PIH1D2: variants seen among roughly 807,000 people sequenced by gnomAD.
PIH1D2 encodes the protein PIH1 domain containing 2.
In PIH1D2, 25 loss-of-function variants were observed where a neutral mutation model predicts 31.2. The observed-to-expected ratio is 0.80, with a 90% CI of 0.58 to 1.12. The LOEUF (loss-of-function observed/expected upper bound fraction) is 1.12. PIH1D2 is among the 50% of genes most tolerant of loss of function. The probability of loss-of-function intolerance (pLI) is 0.00; values close to 1 mark genes in which losing one functional copy is unlikely to be tolerated. For missense variants in PIH1D2, 310 were observed against 356.6 expected (o/e 0.87, Z 1.05); for synonymous variants, 116 against 119.9 (o/e 0.97, Z 0.21).
intron 1 of PIH1D2, 92 bp from the exon 2 acceptor site, chr11:112,073,297 T>C (rs1244217213): frequency 3.4e-6 from 3 of 891,910 alleles, no homozygotes; most frequent in Admixed American, 2.9e-5. Context: ...AGGAATTGTT[T>C]TGGTGAAGTT....
intron 2 of PIH1D2, among the ~76,000 whole-genome samples, chr11:112,072,353 C>T (rs1160602299): frequency 6.6e-6 from 1 of 151,478 alleles, no homozygotes; most frequent in African/African-American, 2.4e-5. Flanking sequence ...CGAGATTAGC[C>T]TGTGAAACAT....
chr11:112,070,708 G>A lies in PIH1D2; in HGVS notation c.548-7C>T. Reference sequence around the variant, plus strand: ...ATCTGTCCAAGAGTTAGTTCTTTATGAAAAAAAGGGTGGAGGGGAGATAAA... The same window carrying A: ...ATCTGTCCAAGAGTTAGTTCTTTATAAAAAAAAGGGTGGAGGGGAGATAAA... On this transcript the variant is annotated splice_region_variant and splice_polypyrimidine_tract_variant and intron_variant, in intron 4 of 5. Coordinates refer to ENST00000280350, the MANE Select transcript of PIH1D2 (RefSeq NM_138789.4). The A allele has an allele frequency of 1.9e-6, 3 of 1,592,780 alleles. No homozygotes were observed. Among genetic ancestry groups the A allele is most frequent in the Non-Finnish European group, 2.6e-6 (3 of 1,171,528 alleles).
chr11:112,067,685 A>AAAAAAAAAAAAAATAGAT, downstream of PIH1D2: 1 of 17,806 alleles, frequency 5.6e-5, no homozygotes, highest in African/African-American at 1.7e-4. Flanking sequence ...AAAAAAAAAA[A>AAAAAAAAAAAAAATAGAT]ATATATATAT....
chr11:112,061,068 A>G, downstream of PIH1D2: 1 of 1,610,716 alleles, frequency 6.2e-7, no homozygotes, highest in Non-Finnish European at 8.5e-7. Flanking sequence ...CAATTTAGGA[A>G]TGTTTGGAAT....
At chr11:112,061,456 G>A, downstream of PIH1D2, 1 of 372,204 alleles carries the variant, frequency 2.7e-6, no homozygotes, top group Non-Finnish European at 4.9e-6. Context: ...TGTGCTTACT[G>A]GAAATTTGTG....
downstream of PIH1D2, among the ~76,000 whole-genome samples, chr11:112,058,922 C>A (rs1486899500): frequency 6.6e-6 from 1 of 152,006 alleles, no homozygotes; most frequent in Non-Finnish European, 1.5e-5. Flanking sequence ...AGTATAGTTT[C>A]TCTCTTTTTT....
downstream of PIH1D2, among the ~76,000 whole-genome samples, chr11:112,064,780 AATC>A (rs1359583160): frequency 2.6e-5 from 4 of 152,278 alleles, no homozygotes; most frequent in African/African-American, 4.8e-5. Context: ...TACATGGGGA[AATC>A]ATCATCACTA....
At chr11:112,062,464 G>A, downstream of PIH1D2, 1 of 1,612,732 alleles carries the variant, frequency 6.2e-7, no homozygotes, top group Non-Finnish European at 8.5e-7. Context: ...GGTGGTGGAT[G>A]GAGCAGTTGG....
downstream of PIH1D2, among the ~76,000 whole-genome samples, chr11:112,066,464 C>G (rs1284194585): frequency 6.6e-6 from 1 of 151,726 alleles, no homozygotes; most frequent in Non-Finnish European, 1.5e-5. Flanking sequence ...ATGGAGAAAC[C>G]CTGTCTTTAC....
chr11:112,068,993 T>G (rs587710687), intron 5 of PIH1D2, among the ~76,000 whole-genome samples: 105 of 147,022 alleles, frequency 7.1e-4, no homozygotes, highest in South Asian at 5.6e-3. Context: ...TTTTTTTTTT[T>G]TTTTGTTTTT....
chr11:112,065,466 TG>T (rs1864887177), downstream of PIH1D2, among the ~76,000 whole-genome samples: 1 of 152,206 alleles, frequency 6.6e-6, no homozygotes, highest in African/African-American at 2.4e-5. Context: ...AAATACATTT[TG>T]GTAGTGATTT....
At chr11:112,055,590 G>T in the PIH1D2 span, among the ~76,000 whole-genome samples, 3 of 151,892 alleles carry the variant, frequency 2.0e-5, no homozygotes, top group African/African-American at 7.3e-5. Context: ...CTCTTCTTGT[G>T]CCATTCTGAG....
downstream of PIH1D2, chr11:112,061,310 A>C: frequency 1.2e-6 from 1 of 846,182 alleles, no homozygotes; most frequent in Admixed American, 1.9e-5. Flanking sequence ...CCCTGATATG[A>C]TATGATGTAA....
chr11:112,058,678 T>C (rs1864302568), downstream of PIH1D2, among the ~76,000 whole-genome samples: 2 of 151,558 alleles, frequency 1.3e-5, no homozygotes, highest in Admixed American at 1.3e-4. Context: ...CATTTCTTCC[T>C]TTTATAAATG....
Position 112,071,222 on chromosome 11 carries a change from G to A in PIH1D2, c.363C>T (p.Asp121=), listed in dbSNP as rs1555184581. ...NPDVLHAAEK[D]QVKKNQLIQM... is the part of the protein sequence containing the mutation. ...GAATTAACTGATTTTTTTTCACTTG[G>A]TCCTTTTCTGCTGCATGAAGAACAT... The change falls in exon 4 of 6, where the codon GAC becomes GAT. Residue 121 remains aspartate, a synonymous_variant. Transcript: ENST00000280350. 1.2e-6 allele frequency: 2 copies of A among 1,613,500 alleles called. No homozygotes were observed. The highest frequency in any genetic ancestry group is 1.7e-6 in the Non-Finnish European group (2 of 1,179,760).
chr11:112,058,087 A>T, the PIH1D2 span, among the ~76,000 whole-genome samples: 1 of 152,178 alleles, frequency 6.6e-6, no homozygotes, highest in Non-Finnish European at 1.5e-5. Flanking sequence ...CTATACTTAG[A>T]TGAAGAAATT....
downstream of PIH1D2, among the ~76,000 whole-genome samples, chr11:112,064,553 T>C (rs1394270271): frequency 6.6e-6 from 1 of 152,184 alleles, no homozygotes; most frequent in Admixed American, 6.5e-5. Context: ...TCTAACACTT[T>C]TAAGCTCAAA....
the PIH1D2 span, among the ~76,000 whole-genome samples, chr11:112,056,504 T>C: frequency 6.5e-3 from 987 of 152,362 alleles, 10 homozygotes; most frequent in Non-Finnish European, 9.1e-3. Context: ...ATCCATGTTG[T>C]AGCATGTATC....
chr11:112,068,689 C>T (rs1229602934), intron 5 of PIH1D2, among the ~76,000 whole-genome samples: 1 of 151,994 alleles, frequency 6.6e-6, no homozygotes, highest in African/African-American at 2.4e-5. Context: ...GAGGCTGAGG[C>T]AGGAGAATCG....
Sources: gnomAD v4.1 joint callset for allele counts (sites outside exome capture counted in the v4.1 genomes callset) on GRCh38, gnomAD v4.1.1 for gene constraint, MANE v1.5 for transcripts, NCBI Gene and HGNC (gene_info 2026-07-23, HGNC 2026-07-21) for gene names.